Variants in RAD54L2 observed in about 807,000 individuals in gnomAD.
RAD54L2 encodes RAD54 like 2, also known as helicase ARIP4.
In RAD54L2, 27 loss-of-function variants were observed where a neutral mutation model predicts 138.4. The ratio of observed to expected loss-of-function variants is 0.20; its 90% confidence interval spans 0.14 to 0.27. The LOEUF (loss-of-function observed/expected upper bound fraction) is 0.27, where lower values mean the gene tolerates loss of function less well. Among genes scored for constraint, RAD54L2 ranks in the 10% least tolerant of loss-of-function variants. The pLI is 1.00. For missense variants in RAD54L2, 1,396 were observed against 1,890.2 expected, an observed-to-expected ratio of 0.74 and a Z score of 4.85; for synonymous variants, 644 against 723.2, an observed-to-expected ratio of 0.89 and a Z score of 1.76.
In RAD54L2 at chr3:51,663,405, G is replaced by C; in HGVS notation, c.4389G>C (p.Glu1463Asp). The change falls in exon 23 of 23, where the codon GAG (glutamate) becomes GAC (aspartate). Residue 1463 changes from glutamate (E) to aspartate (D), a missense_variant. Glu to Asp is a conservative substitution (Grantham distance 45). Transcript: ENST00000684192. ...DDEDKDDDVIEVTGK is the reference protein window; with the variant it reads ...DDEDKDDDVIDVTGK The stretch of plus-strand genomic sequence containing the variant: ...AGGATAAAGACGATGATGTGATAGA[G>C]GTCACTGGGAAATAGCTAGGGAGCC... 2 of 1,611,078 alleles carry C rather than the reference G, an allele frequency of 1.2e-6. No homozygotes were observed. The highest frequency in any genetic ancestry group is 1.7e-6 in the Non-Finnish European group (2 of 1,177,700).
At chr3:51,596,380 G>A (rs1260415146) in intron 3 of RAD54L2, among the ~76,000 whole-genome samples, 1 of 151,816 alleles carries the variant, frequency 6.6e-6, no homozygotes, top group Non-Finnish European at 1.5e-5. Flanking sequence ...CTCCAAAGTA[G>A]TTTCTTGTCC....
Position 51,630,718 on chromosome 3 carries a change from G to A in RAD54L2, c.612G>A (p.Leu204=). 6.2e-7 allele frequency: 1 copy of A among 1,613,774 alleles called. No homozygotes were observed. The highest frequency in any genetic ancestry group is 2.2e-5 in the East Asian group (1 of 44,862). The change falls in exon 7 of 23, where the codon CTG becomes CTA. Residue 204 remains leucine, a synonymous_variant. Transcript: ENST00000684192. ...EKSSRDEVIE[L]SSGEEDTLHI... Reference sequence around the variant, plus strand: ...TTGCTGTCTCAGAGGTGATTGAACTGAGCTCTGGAGAGGAGGACACTCTGC... The same window carrying A: ...TTGCTGTCTCAGAGGTGATTGAACTAAGCTCTGGAGAGGAGGACACTCTGC...
rs776024136 is a variant in RAD54L2, at chr3:51,663,360, G to A, written c.4344G>A (p.Gly1448=). 3.1e-6 allele frequency: 5 copies of A among 1,613,722 alleles called. No individual in the cohort carries two copies. In the African/African-American group the frequency reaches 5.3e-5, roughly 17 times the overall value. ...ACTCTCATGAGGTTGCCGAGGTTGG[G>A]TTCAGCTCCAATGATGATGAGGATA... ...PFDSHEVAEV[G]FSSNDDEDKD... Residue 1448 remains glycine (G), a synonymous_variant, in exon 23 of 23, where the codon GGG becomes GGA. Coordinates refer to ENST00000684192, the MANE Select transcript of RAD54L2 (RefSeq NM_015106.4).
chr3:51,598,177 G>GTGTATATA (rs374594036), intron 3 of RAD54L2, among the ~76,000 whole-genome samples: 8 of 135,272 alleles, frequency 5.9e-5, no homozygotes, highest in African/African-American at 2.2e-4. Context: ...GTGTGTGTGT[G>GTGTATATA]TATATATATA....
intron 21 of RAD54L2, among the ~76,000 whole-genome samples, chr3:51,658,222 G>A (rs549245626): frequency 6.6e-6 from 1 of 151,958 alleles, no homozygotes; most frequent in Non-Finnish European, 1.5e-5. Flanking sequence ...GTGAGCCACC[G>A]TACCCGGCCC....
intron 19 of RAD54L2, among the ~76,000 whole-genome samples, chr3:51,653,664 A>G (rs1701513332): frequency 1.3e-5 from 2 of 152,188 alleles, no homozygotes; most frequent in Non-Finnish European, 2.9e-5. Context: ...CACCATTCTC[A>G]GCAAACTATC....
chr3:51,631,071 C>T, intron 7 of RAD54L2, 140 bp downstream of exon 7: 1 of 784,278 alleles, frequency 1.3e-6, no homozygotes, highest in Admixed American at 2.7e-5. Flanking sequence ...TTGGAAAGAC[C>T]TGATACTTCC....
chr3:51,545,720 C>CA (rs2108685444), intron 2 of RAD54L2, among the ~76,000 whole-genome samples: 1 of 151,980 alleles, frequency 6.6e-6, no homozygotes, highest in Non-Finnish European at 1.5e-5. Flanking sequence ...GCTGGGAGTA[C>CA]AGGCATGCAT....
At chr3:51,620,873 C>G (rs1212551792) in intron 3 of RAD54L2, among the ~76,000 whole-genome samples, 1 of 152,174 alleles carries the variant, frequency 6.6e-6, no homozygotes, top group African/African-American at 2.4e-5. Context: ...GCACATGTCT[C>G]TTTACCTCCT....
At chr3:51,630,575 T>C in intron 6 of RAD54L2, 130 bp from the exon 7 acceptor site, 2 of 1,006,996 alleles carry the variant, frequency 2.0e-6, no homozygotes, top group Non-Finnish European at 2.9e-6. Flanking sequence ...AGAGAAATAG[T>C]AAAAGTCAAA....
At position 51,645,837 on chromosome 3, in the gene RAD54L2, T is replaced by G; in HGVS notation, c.2829+74T>G. 1.4e-6 allele frequency: 2 copies of G among 1,428,590 alleles called. No homozygotes were observed. The highest frequency in any genetic ancestry group is 2.6e-5 in the Admixed American group (1 of 38,770). The allele number at this position is 1,428,590 out of a possible 1,614,324, so 88.5% of individuals were successfully genotyped here. A position where few individuals can be genotyped will look rare whatever the true frequency, so the allele number is the denominator to read the frequency against. ...AAAGGAGGCTTGTCTTGTAAGCTTTTTTCTTCATCTGAGGTGATGTTTCAT... is the reference window on the plus strand; with the variant it reads ...AAAGGAGGCTTGTCTTGTAAGCTTTGTTCTTCATCTGAGGTGATGTTTCAT... On this transcript the variant is annotated intron_variant, in intron 18 of 22. Transcript: ENST00000684192. This position sits in a 1 kb window ranked among gnomAD's most constrained non-coding sequence, Gnocchi z 6.1.
At chr3:51,561,328 C>T (rs1384818064) in intron 2 of RAD54L2, among the ~76,000 whole-genome samples, 1 of 152,164 alleles carries the variant, frequency 6.6e-6, no homozygotes, top group Non-Finnish European at 1.5e-5. Flanking sequence ...TCATTGCAAC[C>T]TCCACCTCCT....
chr3:51,577,354 A>ATTT lies in RAD54L2; in HGVS notation c.-54-13011_-54-13010insTTT, dbSNP rs201331765. Among the ~76,000 whole-genome samples the ATTT allele has an allele frequency of 5.1e-3, 776 of 152,320 alleles. 5 individuals carry two copies. The highest frequency in any genetic ancestry group is 0.017 in the African/African-American group (723 of 41,588). On this transcript the variant is annotated intron_variant, in intron 2 of 22. Transcript: ENST00000684192. Reference sequence around the variant, plus strand: ...GGGGTGGAGAATTCTGTAGATGTCTATTAAGTCTGCTTGGTGCAGAGCTGA... The same window carrying ATTT: ...GGGGTGGAGAATTCTGTAGATGTCTATTTTTAAGTCTGCTTGGTGCAGAGCTGA...
intron 3 of RAD54L2, among the ~76,000 whole-genome samples, chr3:51,594,066 C>CTTTTTTTTTTT (rs904101025): frequency 3.8e-5 from 4 of 105,138 alleles, no homozygotes; most frequent in African/African-American, 7.3e-5. Flanking sequence ...TTTTCTTTTT[C>CTTTTTTTTTTT]TTTTTTTTTT....
chr3:51,647,664 C>T (rs957417831), intron 19 of RAD54L2, among the ~76,000 whole-genome samples: 8 of 151,888 alleles, frequency 5.3e-5, no homozygotes, highest in East Asian at 1.9e-4. Context: ...AGCAAAACTC[C>T]GTCTCAAAAA....
chr3:51,542,504 G>A (rs1478306845), intron 2 of RAD54L2, among the ~76,000 whole-genome samples: 1 of 151,202 alleles, frequency 6.6e-6, no homozygotes, highest in Non-Finnish European at 1.5e-5. Flanking sequence ...GGAGTGCAGT[G>A]GTGCGATCTC....
At chr3:51,639,711 G>A (rs369167951) in intron 13 of RAD54L2, 41 bp downstream of exon 13, 1,610 of 1,606,608 alleles carry the variant, frequency 1.0e-3, no homozygotes, top group Non-Finnish European at 1.3e-3. Flanking sequence ...AACTATTGCT[G>A]AGAAGGGATG....
At chr3:51,552,918 CATTT>C (rs1698874362) in intron 2 of RAD54L2, among the ~76,000 whole-genome samples, 1 of 152,058 alleles carries the variant, frequency 6.6e-6, no homozygotes. Context: ...TTTTTATTTA[CATTT>C]ATTTATTGAA....
Position 51,593,326 on chromosome 3 carries a change from T to C in RAD54L2, c.139+2767T>C, listed in dbSNP as rs371881116. ...CACAAAAGAAACTTACTTCAGCCCCTTTTTTTTTTTTTTTATGTTTTTTTG... is the reference window on the plus strand; with the variant it reads ...CACAAAAGAAACTTACTTCAGCCCCCTTTTTTTTTTTTTTATGTTTTTTTG... On this transcript the variant is annotated intron_variant, in intron 3 of 22. Transcript: ENST00000684192. Among the ~76,000 whole-genome samples the C allele has an allele frequency of 6.5e-3, 737 of 113,864 alleles. 1 individual carries two copies. Among genetic ancestry groups the C allele is most frequent in the South Asian group, 0.017 (68 of 3,940 alleles). 74.7% of individuals were successfully genotyped at this position (113,864 alleles called of 152,430 possible).
Sources: allele counts gnomAD v4.1 joint callset (sites outside exome capture counted in the v4.1 genomes callset), GRCh38; gene constraint gnomAD v4.1.1; non-coding constraint Gnocchi (gnomAD v3.1); transcripts MANE v1.5; gene names NCBI Gene and HGNC (gene_info 2026-07-23, HGNC 2026-07-21).